KIF9: variants seen among roughly 807,000 people sequenced by gnomAD.
The protein encoded by KIF9 is kinesin family member 9.
Under a neutral mutation model 94.8 loss-of-function variants are expected in KIF9, and 68 were observed. The ratio of observed to expected loss-of-function variants is 0.72; its 90% CI spans 0.59 to 0.88. KIF9 has a LOEUF of 0.88. KIF9 is among the 40% of genes least tolerant of loss of function. The pLI is 0.00. For missense variants in KIF9, 882 were observed against 982.5 expected (o/e 0.90, Z 1.37); for synonymous variants, 343 against 362.1 (o/e 0.95, Z 0.60).
At chr3:47,243,372 A>G (rs1699711930) in intron 15 of KIF9, 127 bp from the exon 16 acceptor site, 4 of 684,776 alleles carry the variant, frequency 5.8e-6, no homozygotes. Context: ...CATCTTGTTC[A>G]TATGCCTAGG....
intron 1 of KIF9, chr3:47,280,852 T>G (rs1236046669): frequency 1.9e-5 from 13 of 698,522 alleles, no homozygotes; most frequent in Non-Finnish European, 3.1e-5. Context: ...CATATCCACC[T>G]GCAATAAAGT....
At position 47,273,649 on chromosome 3, in the gene KIF9, A is replaced by G; in HGVS notation, c.269T>C (p.Met90Thr). 3 of 1,613,664 alleles carry G rather than the reference A, an allele frequency of 1.9e-6. No individual in the cohort carries two copies. Among genetic ancestry groups the G allele is most frequent in the Non-Finnish European group, 2.5e-6 (3 of 1,179,756 alleles). ...QALDGYNGTI[M>T]CYGQTGAGKT... ...GCCAGCTCCCGTCTGCCCATAACAC[A>G]TGATGGTGCCTGCAAACATTTCAAA... The change falls in exon 4 of 21, where the codon ATG becomes ACG. Residue 90 changes from methionine to threonine, a missense_variant. Physicochemically the swap from Met to Thr is moderately conservative, Grantham distance 81 (BLOSUM62 -1). Coordinates refer to ENST00000684063, the MANE Select transcript of KIF9 (RefSeq NM_182902.4).
At chr3:47,270,904 C>T (rs1701603412) in intron 5 of KIF9, among the ~76,000 whole-genome samples, 2 of 145,326 alleles carry the variant, frequency 1.4e-5, no homozygotes, top group Admixed American at 7.2e-5. Context: ...TTTGAGAGGC[C>T]GAAGTGGGAA....
intron 10 of KIF9, among the ~76,000 whole-genome samples, chr3:47,254,238 A>AAACT (rs1340980359): frequency 6.6e-6 from 1 of 152,204 alleles, no homozygotes; most frequent in Non-Finnish European, 1.5e-5. Context: ...CGGGCAGATC[A>AAACT]CCTGAGGTCA....
At chr3:47,247,535 G>T in intron 11 of KIF9, 58 bp from the exon 12 acceptor site, 1 of 1,352,078 alleles carries the variant, frequency 7.4e-7, no homozygotes, top group Non-Finnish European at 1.1e-6. Flanking sequence ...CCACAGGGGA[G>T]TGGCAGGGGC....
intron 10 of KIF9, 79 bp downstream of exon 10, chr3:47,257,404 A>G: frequency 8.0e-7 from 1 of 1,249,666 alleles, no homozygotes; most frequent in Non-Finnish European, 1.2e-6. Context: ...CAGGAAGGGA[A>G]GGCTCGCTTG....
In KIF9 at chr3:47,228,646, G is replaced by A. The variant is rs377288559; in HGVS notation, c.*6C>T. The stretch of plus-strand genomic sequence containing the variant: ...TCTTGTCCTTTAAGGTACTGGCGAT[G>A]AGGTTCTATTTTCTATGTGCCTGCT... On this transcript the variant is annotated 3_prime_UTR_variant, in exon 21 of 21. Transcript: ENST00000684063. The A allele has an allele frequency of 1.4e-5, 22 of 1,612,642 alleles. 1 individual carries two copies. The highest frequency in any genetic ancestry group is 3.3e-5 in the South Asian group (3 of 91,042).
At chr3:47,244,637 G>T in intron 15 of KIF9, 154 bp downstream of exon 15, 1 of 917,324 alleles carries the variant, frequency 1.1e-6, no homozygotes, top group Non-Finnish European at 1.7e-6. Flanking sequence ...CCCAGCCCGG[G>T]CCCCACAGAC....
intron 17 of KIF9, 126 bp downstream of exon 17, chr3:47,240,675 G>A (rs1013379377): frequency 2.6e-6 from 2 of 764,828 alleles, no homozygotes; most frequent in African/African-American, 3.4e-5. Flanking sequence ...TATGGGTGAA[G>A]GCCACATCCC....
At position 47,266,509 on chromosome 3, in the gene KIF9, G is replaced by A. The variant is rs112502313; in HGVS notation, c.768+467C>T. Among the ~76,000 whole-genome samples the A allele has an allele frequency of 6.2e-3, 937 of 152,206 alleles. 1 individual carries two copies. The highest frequency in any genetic ancestry group is 8.8e-3 in the Non-Finnish European group (600 of 67,996). ...AAAATTTAAAAATTAGCTGGTCATG[G>A]TGGTGCATACCTGTGGTCCCAGATA... On this transcript the variant is annotated intron_variant, in intron 7 of 20. Transcript: ENST00000684063.
chr3:47,249,682 T>C (rs1700145712), intron 10 of KIF9, among the ~76,000 whole-genome samples: 1 of 152,208 alleles, frequency 6.6e-6, no homozygotes, highest in South Asian at 2.1e-4. Context: ...TTCTCCTAAG[T>C]ATTTCCAAGA....
chr3:47,240,924 A>C lies in KIF9; in HGVS notation c.1801T>G (p.Ser601Ala). The C allele has an allele frequency of 3.1e-6, 5 of 1,614,018 alleles. No homozygotes were observed. The highest frequency in any genetic ancestry group is 4.2e-6 in the Non-Finnish European group (5 of 1,180,000). Reference sequence around the variant, plus strand: ...CTTTTCCTCCGTTCATTCAAGATGGATTTGTTTTCTTTGAAAATTCGGTTG... The same window carrying C: ...CTTTTCCTCCGTTCATTCAAGATGGCTTTGTTTTCTTTGAAAATTCGGTTG... ...EINRIFKENKSILNERRKRAS... is the reference protein window; with the variant it reads ...EINRIFKENKAILNERRKRAS... The change falls in exon 17 of 21, where the codon TCC becomes GCC. Residue 601 changes from serine (S) to alanine (A), a missense_variant. By Grantham distance (99) the Ser-to-Ala change is moderately conservative (BLOSUM62 1). Transcript: ENST00000684063.
chr3:47,252,922 A>G (rs566704791), intron 10 of KIF9, among the ~76,000 whole-genome samples: 2 of 152,098 alleles, frequency 1.3e-5, no homozygotes, highest in Non-Finnish European at 2.9e-5. Context: ...CTGAGGCAGG[A>G]GAATCGCTTG....
rs749219695 is a variant in KIF9 at position 47,241,004 on chromosome 3, G to C, written c.1721C>G (p.Pro574Arg). The C allele has an allele frequency of 1.9e-6, 3 of 1,614,098 alleles. No homozygotes were observed. Among genetic ancestry groups the C allele is most frequent in the Non-Finnish European group, 2.5e-6 (3 of 1,179,974 alleles). ...CTCAAAGGCCACTGGTTTGGAGGGTGGGGTGTCGGGCCTTGAGATGAAAAG... is the reference window on the plus strand; with the variant it reads ...CTCAAAGGCCACTGGTTTGGAGGGTCGGGTGTCGGGCCTTGAGATGAAAAG... Reference protein sequence around the residue: ...EELRPIRPDTPPSKPVAFEEF... With the variant: ...EELRPIRPDTRPSKPVAFEEF... The change falls in exon 17 of 21, where the codon CCA becomes CGA. Residue 574 changes from proline (P) to arginine (R), a missense_variant. By Grantham distance (103) the Pro-to-Arg change is moderately radical. Coordinates refer to ENST00000684063, the MANE Select transcript of KIF9 (RefSeq NM_182902.4).
intron 19 of KIF9, 149 bp from the exon 20 acceptor site, chr3:47,235,766 T>G (rs1029624732): frequency 7.0e-5 from 47 of 671,598 alleles, no homozygotes; most frequent in Middle Eastern, 4.0e-4. Context: ...CCAGCCCCCA[T>G]GTCTGTCAGT....
rs1559467678 is a variant in KIF9, at chr3:47,273,543, ACT to A, written c.366+7_366+8del. 1 of 1,584,992 alleles carries A rather than the reference ACT, an allele frequency of 6.3e-7. No individual in the cohort carries two copies. The highest frequency in any genetic ancestry group is 1.2e-5 in the South Asian group (1 of 86,292). The stretch of plus-strand genomic sequence containing the variant: ...TGTGTGGCATCCCACCCTTGGGCCC[ACT>A]CTCTACCTGCTGCAGGGCACGAGGG... On this transcript the variant is annotated splice_region_variant and intron_variant, in intron 4 of 20. Transcript: ENST00000684063.
At chr3:47,246,444 T>G in intron 12 of KIF9, 192 bp from the exon 13 acceptor site, 2 of 387,202 alleles carry the variant, frequency 5.2e-6, no homozygotes, top group Non-Finnish European at 9.2e-6. Flanking sequence ...AACACCTGAT[T>G]AATAATTTTA....
intron 17 of KIF9, chr3:47,240,028 T>C: frequency 1.0e-6 from 1 of 961,450 alleles, no homozygotes; most frequent in Non-Finnish European, 1.4e-6. Flanking sequence ...TGGGCCCTGC[T>C]CCATCTCTCC....
chr3:47,265,619 C>A, intron 8 of KIF9, 111 bp downstream of exon 8: 7 of 1,140,218 alleles, frequency 6.1e-6, no homozygotes, highest in Non-Finnish European at 8.9e-6. Flanking sequence ...GCAGGTGAAT[C>A]CATGCCACCA....
Sources: gnomAD v4.1 joint callset for allele counts (sites outside exome capture counted in the v4.1 genomes callset) on GRCh38, gnomAD v4.1.1 for gene constraint, MANE v1.5 for transcripts, NCBI Gene and HGNC (gene_info 2026-07-23, HGNC 2026-07-21) for gene names.